PPARGC1A: variants seen among roughly 807,000 people sequenced by gnomAD.
The protein encoded by PPARGC1A is PPARG coactivator 1 alpha, also known as peroxisome proliferator-activated receptor gamma coactivator 1-alpha.
A neutral mutation model predicts 88.7 loss-of-function variants in PPARGC1A; 25 were observed. That is an observed-to-expected ratio of 0.28 (90% CI 0.21 to 0.39). PPARGC1A has a LOEUF of 0.39. Among genes scored for constraint, PPARGC1A ranks in the 10% least tolerant of loss-of-function variants. PPARGC1A has a pLI of 1.00. For synonymous variants in PPARGC1A, 363 were observed against 355.6 expected (o/e 1.02, Z -0.24); for missense variants, 880 against 968.7 (o/e 0.91, Z 1.22).
chr4:24,100,628 G>A, the PPARGC1A span, among the ~76,000 whole-genome samples: 1 of 152,082 alleles, frequency 6.6e-6, no homozygotes, highest in African/African-American at 2.4e-5. Flanking sequence ...AATACCAAAT[G>A]AGGAGAAAAG....
chr4:24,191,174 A>G, the PPARGC1A span, among the ~76,000 whole-genome samples: 3 of 152,218 alleles, frequency 2.0e-5, no homozygotes, highest in Non-Finnish European at 4.4e-5. Flanking sequence ...ATCGAGCTGT[A>G]TGTATTCTCG....
At chr4:24,331,125 T>G in the PPARGC1A span, among the ~76,000 whole-genome samples, 4 of 152,202 alleles carry the variant, frequency 2.6e-5, no homozygotes, top group African/African-American at 9.7e-5. Flanking sequence ...CTAAATCTCC[T>G]ATTTTGATTT....
the PPARGC1A span, among the ~76,000 whole-genome samples, chr4:24,290,824 T>C: frequency 6.6e-6 from 1 of 152,220 alleles, no homozygotes; most frequent in African/African-American, 2.4e-5. Context: ...TTGGTTTTGA[T>C]TTTGAAATCC....
chr4:24,145,591 C>T, the PPARGC1A span, among the ~76,000 whole-genome samples: 1 of 152,150 alleles, frequency 6.6e-6, no homozygotes, highest in Non-Finnish European at 1.5e-5. Context: ...AAGGATTGTC[C>T]TTCCCAGCTT....
At chr4:24,282,127 G>T in the PPARGC1A span, among the ~76,000 whole-genome samples, 2 of 152,150 alleles carry the variant, frequency 1.3e-5, no homozygotes, top group Non-Finnish European at 2.9e-5. Flanking sequence ...CAAATAAGAT[G>T]ATTACTATCT....
intron 5 of PPARGC1A, 57 bp downstream of exon 5, chr4:23,828,343 T>G (rs1466854011): frequency 9.9e-6 from 15 of 1,520,908 alleles, no homozygotes; most frequent in Admixed American, 1.7e-5. Context: ...AGACTTTGCA[T>G]GTGCTTTCTT....
the PPARGC1A span, among the ~76,000 whole-genome samples, chr4:24,049,436 T>G: frequency 2.0e-5 from 3 of 150,642 alleles, no homozygotes; most frequent in Non-Finnish European, 4.4e-5. Context: ...AGTTCAGGAA[T>G]AGAATGGAGG....
chr4:23,989,729 T>C, the PPARGC1A span, among the ~76,000 whole-genome samples: 1 of 151,922 alleles, frequency 6.6e-6, no homozygotes, highest in Non-Finnish European at 1.5e-5. Flanking sequence ...AAGTTTTCTG[T>C]AGAAAGAATT....
the PPARGC1A span, among the ~76,000 whole-genome samples, chr4:24,373,302 T>C: frequency 2.0e-5 from 3 of 152,208 alleles, no homozygotes; most frequent in Admixed American, 1.3e-4. Flanking sequence ...TATTTGCCCT[T>C]TCCAGCTTTG....
the PPARGC1A span, among the ~76,000 whole-genome samples, chr4:24,107,664 A>G: frequency 0.028 from 4,329 of 152,340 alleles, 201 homozygotes; most frequent in African/African-American, 0.097. Context: ...GTTAGAAGGA[A>G]AGCTTAATAC....
the PPARGC1A span, among the ~76,000 whole-genome samples, chr4:24,087,800 G>C: frequency 6.6e-6 from 1 of 152,256 alleles, no homozygotes; most frequent in East Asian, 1.9e-4. Flanking sequence ...ATGCTTAAAT[G>C]GATTTTCAGA....
chr4:24,282,395 T>C, the PPARGC1A span, among the ~76,000 whole-genome samples: 1 of 152,192 alleles, frequency 6.6e-6, no homozygotes, highest in Admixed American at 6.5e-5. Flanking sequence ...ATATAACTCT[T>C]TAGGGGTTGG....
the PPARGC1A span, among the ~76,000 whole-genome samples, chr4:24,428,264 A>G: frequency 6.6e-6 from 1 of 152,202 alleles, no homozygotes; most frequent in Non-Finnish European, 1.5e-5. Context: ...TGTCTAGTGT[A>G]TAGAAGACCC....
At chr4:24,368,346 C>T in the PPARGC1A span, among the ~76,000 whole-genome samples, 1 of 151,978 alleles carries the variant, frequency 6.6e-6, no homozygotes, top group African/African-American at 2.4e-5. Context: ...ATGGGACAGC[C>T]GCAGAAGGTT....
the PPARGC1A span, among the ~76,000 whole-genome samples, chr4:24,307,461 G>T: frequency 6.6e-6 from 1 of 152,132 alleles, no homozygotes; most frequent in South Asian, 2.1e-4. Flanking sequence ...AATATCAAAG[G>T]CACATGGTGT....
chr4:23,888,997 G>A, intron 1 of PPARGC1A: 5 of 985,368 alleles, frequency 5.1e-6, no homozygotes, highest in Non-Finnish European at 6.0e-6. Flanking sequence ...CCTTCCGAGA[G>A]CATTCCATTG....
the PPARGC1A span, among the ~76,000 whole-genome samples, chr4:24,128,437 A>G: frequency 6.6e-6 from 1 of 152,158 alleles, no homozygotes; most frequent in African/African-American, 2.4e-5. Flanking sequence ...AGAGTGACTC[A>G]TGCTTCCAAT....
the PPARGC1A span, among the ~76,000 whole-genome samples, chr4:24,180,091 A>T: frequency 6.6e-6 from 1 of 152,176 alleles, no homozygotes; most frequent in Middle Eastern, 3.2e-3. Context: ...CTACATGTTG[A>T]ATTTGAGCTC....
At chr4:23,826,388 T>C (rs910459963) in intron 5 of PPARGC1A, among the ~76,000 whole-genome samples, 2 of 152,090 alleles carry the variant, frequency 1.3e-5, no homozygotes, top group African/African-American at 4.8e-5. Flanking sequence ...TTCATGTAGA[T>C]TGTGGTATTT....
Sources: gnomAD v4.1 joint callset for allele counts (sites outside exome capture counted in the v4.1 genomes callset) on GRCh38, gnomAD v4.1.1 for gene constraint, MANE v1.5 for transcripts, NCBI Gene and HGNC (gene_info 2026-07-23, HGNC 2026-07-21) for gene names.